The following PRKCH variants were observed in gnomAD, a reference collection of about 807,000 sequenced individuals.
PRKCH encodes the protein protein kinase C eta, also known as protein kinase C eta type.
PRKCH carries 28 observed loss-of-function variants against 82.5 expected under a neutral mutation model. The ratio of observed to expected loss-of-function variants is 0.34; its 90% CI spans 0.25 to 0.47. The LOEUF (loss-of-function observed/expected upper bound fraction) is 0.47, where lower values mean the gene tolerates loss of function less well. Ranked by LOEUF, PRKCH falls within the 20% of genes least tolerant of loss-of-function variation. The pLI, the probability that PRKCH is intolerant of heterozygous loss-of-function variation, is 1.00. For missense variants in PRKCH, 705 were observed against 881.8 expected (o/e 0.80, Z 2.54); for synonymous variants, 322 against 327.4 (o/e 0.98, Z 0.18).
rs999857021 is a variant in PRKCH at position 61,321,800 on chromosome 14, GGCGAGTCCTGC to G, written c.-293_-283del. On this transcript the variant is annotated 5_prime_UTR_variant, in exon 1 of 14. Coordinates refer to ENST00000332981, the MANE Select transcript of PRKCH (RefSeq NM_006255.5). The surrounding 1 kb of genome is among the most constrained non-coding windows in gnomAD (Gnocchi z 4.1). ...AGGAGCTGCCCGGCCCTGGAGAAGG[GGCGAGTCCTGC>G]GCGAGTCCCCGGGAGGCGCCGCGCG... The G allele has an allele frequency of 6.5e-5, 19 of 291,350 alleles. No homozygotes were observed. Among genetic ancestry groups the G allele is most frequent in the African/African-American group, 3.8e-4 (17 of 45,110 alleles). The allele number at this position is 291,350 out of a possible 1,614,324, so 18.0% of individuals were successfully genotyped here.
At chr14:61,214,874 T>A (rs1406533626) in intron 1 of PRKCH, among the ~76,000 whole-genome samples, 2 of 152,220 alleles carry the variant, frequency 1.3e-5, no homozygotes, top group Non-Finnish European at 2.9e-5. Flanking sequence ...TTTAAATCAT[T>A]TATGTTATAC....
At chr14:61,393,566 G>C (rs546220327) in intron 2 of PRKCH, among the ~76,000 whole-genome samples, 2 of 152,228 alleles carry the variant, frequency 1.3e-5, no homozygotes, top group Non-Finnish European at 2.9e-5. Flanking sequence ...TGAAATCTCA[G>C]TTCCTATCTT....
In PRKCH at chr14:61,529,207, T is replaced by C. The variant is rs1225079544; in HGVS notation, c.1566T>C (p.Ala522=). 1.9e-6 allele frequency: 3 copies of C among 1,611,694 alleles called. No homozygotes were observed. Among genetic ancestry groups the C allele is most frequent in the Non-Finnish European group, 2.5e-6 (3 of 1,178,776 alleles). ...ATFCGTPDYI[A]PEILQEMLYG... ...TCTGTGGCACGCCAGACTATATCGC[T>C]CCAGAGGTGAGTGCAGCTGCTTGAT... Residue 522 remains alanine (A), a synonymous_variant, in exon 11 of 14, where the codon GCT becomes GCC. Transcript: ENST00000332981.
chr14:61,510,960 G>A (rs1306078515), intron 10 of PRKCH, among the ~76,000 whole-genome samples: 1 of 152,102 alleles, frequency 6.6e-6, no homozygotes, highest in East Asian at 1.9e-4. Context: ...CAGAACCTTA[G>A]GGAACCAGCT....
chr14:61,301,851 A>G (rs1230497020), intron 1 of PRKCH, among the ~76,000 whole-genome samples: 2 of 152,202 alleles, frequency 1.3e-5, no homozygotes, highest in Non-Finnish European at 2.9e-5. Flanking sequence ...AAAAAGAAGT[A>G]CATATCTTAA....
At chr14:61,530,996 T>C (rs1259566084) in intron 12 of PRKCH, among the ~76,000 whole-genome samples, 2 of 152,196 alleles carry the variant, frequency 1.3e-5, no homozygotes, top group African/African-American at 4.8e-5. Flanking sequence ...CATCTTCAAG[T>C]TGCAGGATGA....
In PRKCH at chr14:61,280,913, A is replaced by C. The variant is rs1482386819; in HGVS notation, c.-19+93245A>C. On this transcript the variant is annotated intron_variant, in intron 1 of 3. Coordinates refer to the PRKCH transcript ENST00000555185. This position sits in a 1 kb window ranked among gnomAD's most constrained non-coding sequence, Gnocchi z 5.0. ...GCCCGGCCCTGGCCAGCCGCGGCGC[A>C]CACCGAGCAGTTACCGGTGCCCGGG... 2 of 1,545,684 alleles carry C rather than the reference A, an allele frequency of 1.3e-6. No homozygotes were observed. Among genetic ancestry groups the C allele is most frequent in the South Asian group, 1.2e-5 (1 of 84,190 alleles).
chr14:61,458,424 G>A lies in PRKCH; in HGVS notation c.1278+745G>A, dbSNP rs1594728848. Among the ~76,000 whole-genome samples the A allele has an allele frequency of 2.0e-5, 3 of 152,160 alleles. No individual in the cohort carries two copies. In the South Asian group the frequency reaches 6.2e-4, roughly 32 times the overall value. ...ACATTGGACATGTCTTTCCCTTGGG[G>A]TCCCAAGGTATTTGCTGCAGCCCTA... On this transcript the variant is annotated intron_variant, in intron 9 of 13. Coordinates refer to ENST00000332981, the MANE Select transcript of PRKCH (RefSeq NM_006255.5).
intron 12 of PRKCH, among the ~76,000 whole-genome samples, chr14:61,542,928 G>A (rs1008056796): frequency 7.9e-5 from 12 of 152,178 alleles, no homozygotes; most frequent in African/African-American, 2.4e-4. Flanking sequence ...TATGCCAGGC[G>A]CTTTACGTTA....
chr14:61,422,033 G>A (rs894975786), intron 2 of PRKCH, among the ~76,000 whole-genome samples: 11 of 152,170 alleles, frequency 7.2e-5, no homozygotes, highest in Non-Finnish European at 1.3e-4. Flanking sequence ...AGATGCAGGT[G>A]TATAGTTTTG....
chr14:61,382,713 C>A (rs2046530596), intron 1 of PRKCH, among the ~76,000 whole-genome samples: 1 of 152,116 alleles, frequency 6.6e-6, no homozygotes, highest in Non-Finnish European at 1.5e-5. Context: ...TGCTCAAAGC[C>A]CATAGAGTCT....
chr14:61,483,927 A>G (rs935877093), intron 9 of PRKCH, among the ~76,000 whole-genome samples: 7 of 152,110 alleles, frequency 4.6e-5, no homozygotes, highest in African/African-American at 7.2e-5. Context: ...TGTAGTCCCA[A>G]CTACTCCAGA....
At chr14:61,547,980 T>A in intron 13 of PRKCH, 94 bp downstream of exon 13, 1 of 1,507,228 alleles carries the variant, frequency 6.6e-7, no homozygotes, top group South Asian at 1.3e-5. Flanking sequence ...CCCCTGTGGG[T>A]GACAGACCAG....
At chr14:61,329,613 C>A (rs910366840) in intron 1 of PRKCH, among the ~76,000 whole-genome samples, 3 of 152,176 alleles carry the variant, frequency 2.0e-5, no homozygotes, top group African/African-American at 7.2e-5. Flanking sequence ...TTTTCTCTTA[C>A]ATTTCCCCAA....
intron 2 of PRKCH, among the ~76,000 whole-genome samples, chr14:61,416,056 T>TC (rs1180682702): frequency 3.6e-4 from 22 of 61,892 alleles, no homozygotes; most frequent in East Asian, 8.4e-4. Flanking sequence ...TTCTTTTCTT[T>TC]TTTTTTTTTT....
chr14:61,275,490 G>A (rs1033318390), intron 1 of PRKCH, among the ~76,000 whole-genome samples: 1 of 152,216 alleles, frequency 6.6e-6, no homozygotes, highest in Non-Finnish European at 1.5e-5. Flanking sequence ...AGAGCTCAAT[G>A]TAGAGGGCAA....
At chr14:61,505,692 G>A (rs151110233) in intron 10 of PRKCH, among the ~76,000 whole-genome samples, 3 of 151,998 alleles carry the variant, frequency 2.0e-5, no homozygotes, top group Admixed American at 6.5e-5. Context: ...TTTTCTAAGG[G>A]CGCTAATCCC....
intron 1 of PRKCH, chr14:61,303,638 T>C (rs1376929682): frequency 6.6e-6 from 1 of 152,072 alleles, no homozygotes; most frequent in Non-Finnish European, 1.5e-5. Context: ...CCTTGCAATC[T>C]TTTTCTTTTC....
At chr14:61,387,462 A>T (rs1439644823) in intron 1 of PRKCH, among the ~76,000 whole-genome samples, 1 of 152,226 alleles carries the variant, frequency 6.6e-6, no homozygotes, top group Non-Finnish European at 1.5e-5. Context: ...TGTCCACTGG[A>T]GCTGTAGAGG....
Sources: allele counts gnomAD v4.1 joint callset (sites outside exome capture counted in the v4.1 genomes callset), GRCh38; gene constraint gnomAD v4.1.1; non-coding constraint Gnocchi (gnomAD v3.1); transcripts MANE v1.5; gene names NCBI Gene and HGNC (gene_info 2026-07-23, HGNC 2026-07-21).